Variants in SCMH1 observed in about 807,000 individuals in gnomAD.
SCMH1 encodes polycomb protein SCMH1.
A neutral mutation model predicts 70.8 loss-of-function variants in SCMH1; 37 were observed. That is an observed-to-expected ratio of 0.52 (90% CI 0.40 to 0.69). The LOEUF is 0.69. SCMH1 is among the 30% of genes least tolerant of loss of function. The probability of loss-of-function intolerance (pLI) is 0.00; values close to 1 mark genes in which losing one functional copy is unlikely to be tolerated. For synonymous variants in SCMH1, 292 were observed against 307.4 expected (o/e 0.95, Z 0.52); for missense variants, 607 against 827.3 (o/e 0.73, Z 3.27).
At chr1:41,103,293 G>A (rs1362178913) in intron 8 of SCMH1, among the ~76,000 whole-genome samples, 2 of 151,832 alleles carry the variant, frequency 1.3e-5, no homozygotes, top group East Asian at 3.9e-4. Flanking sequence ...CGCCACTCCT[G>A]GCTAATTTTT....
At chr1:41,085,481 C>G (rs922342180) in intron 8 of SCMH1, among the ~76,000 whole-genome samples, 1 of 152,124 alleles carries the variant, frequency 6.6e-6, no homozygotes, top group Non-Finnish European at 1.5e-5. Context: ...ACTAGCTCCA[C>G]TAATATTTAA....
At chr1:41,214,928 G>A (rs533188024) in intron 1 of SCMH1, among the ~76,000 whole-genome samples, 8 of 152,052 alleles carry the variant, frequency 5.3e-5, no homozygotes, top group Non-Finnish European at 4.4e-5. Context: ...AAATGAAAGC[G>A]CTTCTTCAAA....
In SCMH1 at chr1:41,037,464, G is replaced by A. The variant is rs1448055386; in HGVS notation, c.1576C>T (p.Pro526Ser). The change falls in exon 13 of 15, where the codon CCC becomes TCC. Residue 526 changes from proline (P) to serine (S), a missense_variant. Pro to Ser is a moderately conservative substitution (Grantham distance 74). Coordinates refer to ENST00000337495, the Ensembl canonical transcript of SCMH1. ...TGGGAGGTGCTGACAAGGTTGGTGG[G>A]ATTTGAGGCAGAGTCCATTGAGTCT... The A allele has an allele frequency of 8.7e-6, 14 of 1,614,122 alleles. 1 individual carries two copies. The South Asian group carries it at 9.9e-5, about 11-fold the overall frequency.
intron 13 of SCMH1, among the ~76,000 whole-genome samples, chr1:41,036,065 A>AG (rs1645254347): frequency 6.6e-6 from 1 of 152,048 alleles, no homozygotes; most frequent in Non-Finnish European, 1.5e-5. Flanking sequence ...TGGTGGGCTC[A>AG]CCTTCCCGTT....
chr1:41,239,079 A>T (rs1045471113), intron 1 of SCMH1, among the ~76,000 whole-genome samples: 14 of 152,000 alleles, frequency 9.2e-5, no homozygotes, highest in African/African-American at 3.4e-4. Context: ...TACTTCAACC[A>T]TGTCTGATAG....
At chr1:41,084,321 T>C (rs1333895122) in intron 8 of SCMH1, among the ~76,000 whole-genome samples, 2 of 152,114 alleles carry the variant, frequency 1.3e-5, no homozygotes, top group African/African-American at 2.4e-5. Context: ...GCGAAGGACA[T>C]GAACAGACCC....
intron 13 of SCMH1, among the ~76,000 whole-genome samples, chr1:41,031,648 T>C (rs1201823904): frequency 6.6e-6 from 1 of 152,152 alleles, no homozygotes; most frequent in East Asian, 1.9e-4. Flanking sequence ...AGCCAGTCAC[T>C]TCTCCCTGTC....
chr1:41,110,367 T>C (rs1307518694), intron 8 of SCMH1, among the ~76,000 whole-genome samples: 2 of 152,230 alleles, frequency 1.3e-5, no homozygotes, highest in Admixed American at 1.3e-4. Context: ...TTTTCTAAGA[T>C]ATTCAGAGTT....
At chr1:41,094,869 G>A (rs1258720002) in intron 8 of SCMH1, among the ~76,000 whole-genome samples, 1 of 150,896 alleles carries the variant, frequency 6.6e-6, no homozygotes, top group Non-Finnish European at 1.5e-5. Flanking sequence ...AGCCTGTGGA[G>A]CAGAGTGAGA....
At chr1:41,171,397 C>T (rs1447935509) in intron 2 of SCMH1, among the ~76,000 whole-genome samples, 1 of 152,092 alleles carries the variant, frequency 6.6e-6, no homozygotes, top group African/African-American at 2.4e-5. Flanking sequence ...GACCAAGAAG[C>T]CACACAAAGA....
At chr1:41,090,286 T>C (rs912585664) in intron 8 of SCMH1, among the ~76,000 whole-genome samples, 2 of 152,228 alleles carry the variant, frequency 1.3e-5, no homozygotes, top group Non-Finnish European at 2.9e-5. Context: ...TATGAAATTA[T>C]ATTTTCCAAA....
exon 14 of SCMH1, chr1:41,028,708 T>C (rs1644080924): frequency 6.2e-7 from 1 of 1,613,964 alleles, no homozygotes; most frequent in East Asian, 2.2e-5. Context: ...ATCGCGGCTC[T>C]CCAGGTATCG....
chr1:41,110,253 T>C (rs1174546524), intron 8 of SCMH1, among the ~76,000 whole-genome samples: 1 of 152,214 alleles, frequency 6.6e-6, no homozygotes, highest in East Asian at 1.9e-4. Flanking sequence ...TGTCCACAAT[T>C]ACCACTGTAC....
At chr1:41,093,700 A>G (rs1664298961) in intron 8 of SCMH1, among the ~76,000 whole-genome samples, 1 of 152,212 alleles carries the variant, frequency 6.6e-6, no homozygotes, top group African/African-American at 2.4e-5. Context: ...TGAGTTATAC[A>G]GATTTCCCAA....
At chr1:41,041,220 T>A (rs1646123619) in intron 12 of SCMH1, 2 of 152,008 alleles carry the variant, frequency 1.3e-5, no homozygotes, top group Admixed American at 6.6e-5. Flanking sequence ...TTTACATCAC[T>A]CTCAGTGTTT....
At chr1:41,073,500 G>T (rs539893680) in intron 9 of SCMH1, among the ~76,000 whole-genome samples, 1 of 152,170 alleles carries the variant, frequency 6.6e-6, no homozygotes, top group South Asian at 2.1e-4. Flanking sequence ...TAGGAGCTGG[G>T]TTAGTGGTAA....
At chr1:41,174,855 A>G (rs747539590) in intron 2 of SCMH1, among the ~76,000 whole-genome samples, 49 of 152,348 alleles carry the variant, frequency 3.2e-4, no homozygotes, top group Admixed American at 2.2e-3. Flanking sequence ...GTTACAGGCT[A>G]TCAGGAGAAG....
intron 1 of SCMH1, among the ~76,000 whole-genome samples, chr1:41,222,327 A>T (rs1028409661): frequency 3.3e-5 from 5 of 152,198 alleles, no homozygotes; most frequent in African/African-American, 1.2e-4. Flanking sequence ...AAAAGTGATA[A>T]AGTGATGTTG....
chr1:41,181,772 C>A (rs989728446), intron 2 of SCMH1, among the ~76,000 whole-genome samples: 123 of 152,242 alleles, frequency 8.1e-4, no homozygotes, highest in Non-Finnish European at 1.0e-3. Flanking sequence ...TAGTTCAACC[C>A]TTGTGGAAGT....
Sources: gnomAD v4.1 joint callset for allele counts (sites outside exome capture counted in the v4.1 genomes callset) on GRCh38, gnomAD v4.1.1 for gene constraint, MANE v1.5 for transcripts, NCBI Gene and HGNC (gene_info 2026-07-23, HGNC 2026-07-21) for gene names.